SIAE: variants seen among roughly 807,000 people sequenced by gnomAD.
SIAE encodes the protein sialate O-acetylesterase.
A neutral mutation model predicts 52.6 loss-of-function variants in SIAE; 39 were observed. That is an observed-to-expected ratio of 0.74 (90% CI 0.57 to 0.97). The LOEUF is 0.97. Ranked by LOEUF, SIAE falls within the 50% of genes least tolerant of loss-of-function variation. The probability of loss-of-function intolerance (pLI) is 0.00; values close to 1 mark genes in which losing one functional copy is unlikely to be tolerated. For synonymous variants in SIAE, 233 were observed against 241.4 expected, an observed-to-expected ratio of 0.97 and a Z score of 0.32; for missense variants, 592 against 662.1, an observed-to-expected ratio of 0.89 and a Z score of 1.16.
intron 3 of SIAE, among the ~76,000 whole-genome samples, chr11:124,655,978 CAGA>C (rs1394115941): frequency 2.8e-5 from 4 of 140,780 alleles, no homozygotes; most frequent in African/African-American, 1.3e-4. Context: ...ATAAATACTT[CAGA>C]CAAATTTTGT....
At chr11:124,650,572 A>G (rs1943002901) in intron 4 of SIAE, among the ~76,000 whole-genome samples, 2 of 152,180 alleles carry the variant, frequency 1.3e-5, no homozygotes, top group South Asian at 4.1e-4. Flanking sequence ...CAGGAGTTCG[A>G]GACCAGCCTG....
Position 124,654,715 on chromosome 11 carries a change from C to T in SIAE, c.484G>A (p.Ala162Thr). The T allele has an allele frequency of 6.2e-7, 1 of 1,614,150 alleles. No homozygotes were observed. Among genetic ancestry groups the T allele is most frequent in the Non-Finnish European group, 8.5e-7 (1 of 1,180,028 alleles). Residue 162 changes from alanine (A) to threonine (T), a missense_variant, in exon 4 of 10, where the codon GCA becomes ACA. Physicochemically the swap from Ala to Thr is moderately conservative, Grantham distance 58. Transcript: ENST00000263593. Reference protein sequence around the residue: ...VRILSVSPIQAEQELEDLVAV... With the variant: ...VRILSVSPIQTEQELEDLVAV... ...ACAAGGTCCTCCAGCTCCTGCTCTG[C>T]TTGAATGGGAGAGACAGAGAGGATG...
At chr11:124,638,845 G>T in intron 8 of SIAE, 108 bp from the exon 9 acceptor site, 1 of 882,410 alleles carries the variant, frequency 1.1e-6, no homozygotes, top group Admixed American at 2.1e-5. Context: ...TAAGAATAAA[G>T]TTGACTGAAC....
Position 124,637,165 on chromosome 11 carries a change from G to A in SIAE, c.1358C>T (p.Pro453Leu), listed in dbSNP as rs1351929247. The change falls in exon 10 of 10, where the codon CCA (proline) becomes CTA (leucine). Residue 453 changes from proline (P) to leucine (L), a missense_variant. By Grantham distance (98) the Pro-to-Leu change is moderately conservative (BLOSUM62 -3). Coordinates refer to ENST00000263593, the MANE Select transcript of SIAE (RefSeq NM_170601.5). Reference sequence around the variant, plus strand: ...GGTGGAGACGGTGTTCATAGAAGCTGGAAGCCACTTGCATCGATGGTCACT... The same window carrying A: ...GGTGGAGACGGTGTTCATAGAAGCTAGAAGCCACTTGCATCGATGGTCACT... ...CCSDHRCKWL[P>L]ASMNTVSTQS... The A allele has an allele frequency of 6.2e-7, 1 of 1,614,034 alleles. No homozygotes were observed. The highest frequency in any genetic ancestry group is 1.3e-5 in the African/African-American group (1 of 74,914).
At chr11:124,639,912 C>T in intron 7 of SIAE, 45 bp from the exon 8 acceptor site, 8 of 1,606,914 alleles carry the variant, frequency 5.0e-6, no homozygotes, top group South Asian at 1.1e-5. Context: ...CAGAATCCCA[C>T]ACTGGAGTCT....
chr11:124,648,296 T>C (rs1942969945), intron 5 of SIAE, 121 bp from the exon 6 acceptor site: 1 of 729,898 alleles, frequency 1.4e-6, no homozygotes, highest in Non-Finnish European at 2.5e-6. Flanking sequence ...AACACAGAAT[T>C]AAAATTGAAT....
intron 4 of SIAE, among the ~76,000 whole-genome samples, chr11:124,652,014 C>T (rs529877201): frequency 7.2e-5 from 11 of 152,166 alleles, no homozygotes; most frequent in South Asian, 2.1e-4. Context: ...AGAAAAAATA[C>T]GTGAAAAGGC....
chr11:124,650,469 A>T (rs1456394756), intron 4 of SIAE, among the ~76,000 whole-genome samples: 2 of 152,166 alleles, frequency 1.3e-5, no homozygotes, highest in African/African-American at 4.8e-5. Flanking sequence ...CTTTATACCC[A>T]ATTTTATAGC....
intron 2 of SIAE, among the ~76,000 whole-genome samples, chr11:124,664,150 C>G (rs989390540): frequency 6.6e-6 from 1 of 152,140 alleles, no homozygotes; most frequent in Non-Finnish European, 1.5e-5. Context: ...AAACCCCATC[C>G]CTGGGTTACA....
chr11:124,643,322 C>T (rs1942878550), intron 7 of SIAE, among the ~76,000 whole-genome samples: 1 of 152,068 alleles, frequency 6.6e-6, no homozygotes, highest in Non-Finnish European at 1.5e-5. Flanking sequence ...GCAGGGGGCA[C>T]ATCATGTATG....
intron 9 of SIAE, among the ~76,000 whole-genome samples, chr11:124,637,837 G>A (rs114559263): frequency 0.016 from 2,392 of 152,280 alleles, 30 homozygotes; most frequent in Non-Finnish European, 0.02. Context: ...AGCAGCCCTA[G>A]ACAAACTCCC....
At chr11:124,654,920 C>T in intron 3 of SIAE, 127 bp from the exon 4 acceptor site, 3 of 1,066,026 alleles carry the variant, frequency 2.8e-6, no homozygotes, top group Non-Finnish European at 4.3e-6. Flanking sequence ...TAACCAAAAC[C>T]AATGGGCTGC....
At chr11:124,661,287 G>A (rs149200758) in intron 2 of SIAE, among the ~76,000 whole-genome samples, 127 of 152,148 alleles carry the variant, frequency 8.3e-4, no homozygotes, top group African/African-American at 2.6e-3. Context: ...TTCACTCCCC[G>A]TCTCCTCCTC....
chr11:124,643,459 A>T (rs185684494), intron 7 of SIAE, among the ~76,000 whole-genome samples: 6 of 152,294 alleles, frequency 3.9e-5, no homozygotes, highest in African/African-American at 1.4e-4. Context: ...CAGGAAGAAG[A>T]CCAGTTAGGA....
rs747920967 is a variant in SIAE, at chr11:124,635,748, A to G, written c.*1203T>C. 1.3e-5 allele frequency: 2 copies of G among 152,192 alleles called. No individual in the cohort carries two copies. The highest frequency in any genetic ancestry group is 2.9e-5 in the Non-Finnish European group (2 of 68,030). 9.4% of individuals were successfully genotyped at this position (152,192 alleles called of 1,614,324 possible). On this transcript the variant is annotated 3_prime_UTR_variant, in exon 10 of 10. Transcript: ENST00000263593. ...ATAGATAGTATTCTTACTCCTTTTC[A>G]CATGCTTCAAGGACAGTTTGCAAGT...
Position 124,635,983 on chromosome 11 carries a change from C to T in SIAE, c.*968G>A, listed in dbSNP as rs1025313718. On this transcript the variant is annotated 3_prime_UTR_variant, in exon 10 of 10. Coordinates refer to ENST00000263593, the MANE Select transcript of SIAE (RefSeq NM_170601.5). Reference sequence around the variant, plus strand: ...CTTGTCATGTGGCTTTACTTTCAGCCTCACTCTTTTCTTCTTCCAAATGGA... The same window carrying T: ...CTTGTCATGTGGCTTTACTTTCAGCTTCACTCTTTTCTTCTTCCAAATGGA... 1 of 152,116 alleles carries T rather than the reference C, an allele frequency of 6.6e-6. No homozygotes were observed. Among genetic ancestry groups the T allele is most frequent in the Admixed American group, 6.5e-5 (1 of 15,280 alleles). 9.4% of individuals were successfully genotyped at this position (152,116 alleles called of 1,614,324 possible). A position where few individuals can be genotyped will look rare whatever the true frequency, so the allele number is the denominator to read the frequency against.
At chr11:124,668,552 C>T (rs1408731338) in intron 2 of SIAE, among the ~76,000 whole-genome samples, 1 of 152,216 alleles carries the variant, frequency 6.6e-6, no homozygotes, top group Non-Finnish European at 1.5e-5. Flanking sequence ...ACTGACTCTG[C>T]ACTTGTGTGC....
rs187157270 is a variant in SIAE, at chr11:124,664,046, G to T, written c.230-3243C>A. 3.2e-4 allele frequency among the ~76,000 whole-genome samples: 49 copies of T among 151,888 alleles called. 1 individual carries two copies. The highest frequency in any genetic ancestry group is 5.9e-4 in the Non-Finnish European group (40 of 68,008). ...TCTCTGCTTCCTCGCATTTTTTCTC[G>T]TACCACCTAGGAAGATTAATTTCCT... is the stretch of plus-strand genomic sequence containing the variant. On this transcript the variant is annotated intron_variant, in intron 2 of 9. Coordinates refer to ENST00000263593, the MANE Select transcript of SIAE (RefSeq NM_170601.5).
intron 1 of SIAE, among the ~76,000 whole-genome samples, chr11:124,672,068 G>A (rs1036276651): frequency 2.7e-5 from 4 of 150,942 alleles, no homozygotes; most frequent in African/African-American, 9.8e-5. Context: ...GAGCCACCGC[G>A]CCTGGCCAAT....
Sources: allele counts gnomAD v4.1 joint callset (sites outside exome capture counted in the v4.1 genomes callset), GRCh38; gene constraint gnomAD v4.1.1; transcripts MANE v1.5; gene names NCBI Gene and HGNC (gene_info 2026-07-23, HGNC 2026-07-21).